The following LYZL4 variants were observed in gnomAD, a reference collection of about 807,000 sequenced individuals.
The protein encoded by LYZL4 is lysozyme-like protein 4.
Under a neutral mutation model 17.6 loss-of-function variants are expected in LYZL4, and 13 were observed. That is an observed-to-expected ratio of 0.74 (90% CI 0.48 to 1.18). The LOEUF (loss-of-function observed/expected upper bound fraction) is 1.18, where lower values mean the gene tolerates loss of function less well. Among genes scored for constraint, LYZL4 ranks in the 50% most tolerant of loss-of-function variants. The pLI is 0.00. For missense variants in LYZL4, 174 were observed against 188.2 expected (o/e 0.92, Z 0.44); for synonymous variants, 64 against 67.7 (o/e 0.95, Z 0.27).
the LYZL4 span, among the ~76,000 whole-genome samples, chr3:42,387,129 A>T: frequency 5.9e-5 from 9 of 152,338 alleles, no homozygotes; most frequent in South Asian, 1.9e-3. Context: ...AATAATAATA[A>T]CAACATACTG....
the LYZL4 span, among the ~76,000 whole-genome samples, chr3:42,369,010 T>A: frequency 6.6e-6 from 1 of 152,216 alleles, no homozygotes; most frequent in Non-Finnish European, 1.5e-5. Context: ...CAAGCCTCCA[T>A]CCAATTTTAA....
At chr3:42,381,705 G>A in the LYZL4 span, among the ~76,000 whole-genome samples, 1 of 152,168 alleles carries the variant, frequency 6.6e-6, no homozygotes, top group African/African-American at 2.4e-5. Context: ...GCAATTTCCT[G>A]GCTTCTTTGC....
downstream of LYZL4, among the ~76,000 whole-genome samples, chr3:42,396,352 C>CTGA (rs1698549376): frequency 6.6e-6 from 1 of 152,238 alleles, no homozygotes; most frequent in African/African-American, 2.4e-5. Flanking sequence ...GCTGCTGCTG[C>CTGA]TACCAGATCT....
chr3:42,382,500 G>A, the LYZL4 span, among the ~76,000 whole-genome samples: 3 of 151,902 alleles, frequency 2.0e-5, no homozygotes, highest in Non-Finnish European at 4.4e-5. Context: ...ACTAGCTAGC[G>A]TGTATTGACT....
chr3:42,390,465 A>T, the LYZL4 span, among the ~76,000 whole-genome samples: 1 of 152,040 alleles, frequency 6.6e-6, no homozygotes, highest in Admixed American at 6.5e-5. Flanking sequence ...CTAATATAAC[A>T]TCAATCCCCA....
chr3:42,404,433 T>C (rs1306335822), intron 3 of LYZL4, among the ~76,000 whole-genome samples: 1 of 152,250 alleles, frequency 6.6e-6, no homozygotes, highest in Non-Finnish European at 1.5e-5. Flanking sequence ...TTAACCTATC[T>C]GGATCCTTGT....
At chr3:42,376,346 G>A in the LYZL4 span, among the ~76,000 whole-genome samples, 4 of 152,108 alleles carry the variant, frequency 2.6e-5, no homozygotes, top group African/African-American at 9.7e-5. Context: ...GAAGCCTGGG[G>A]CCATTAAAAC....
chr3:42,394,644 C>T (rs992414908), downstream of LYZL4, among the ~76,000 whole-genome samples: 2 of 152,084 alleles, frequency 1.3e-5, no homozygotes, highest in African/African-American at 4.8e-5. Flanking sequence ...TTCTGTAAAC[C>T]AGACAAGGAG....
intron 1 of LYZL4, 25 bp from the exon 2 acceptor site, chr3:42,407,368 G>T (rs2125603568): frequency 7.3e-7 from 1 of 1,365,280 alleles, no homozygotes; most frequent in Non-Finnish European, 1.0e-6. Context: ...GTGGAGCACA[G>T]TTCAGTGTCA....
chr3:42,409,580 T>C (rs889135518), intron 1 of LYZL4, among the ~76,000 whole-genome samples: 1 of 152,272 alleles, frequency 6.6e-6, no homozygotes, highest in Admixed American at 6.5e-5. Context: ...GGGTGTGCCA[T>C]CTACAGTTCT....
rs1455428359 is a variant in LYZL4, at chr3:42,406,889, C to A, written c.249G>T (p.Trp83Cys). ...FGLFQMRGSD[W>C]CGDHGRNRCH... ...AGCGGTTCCTGCCATGGTCGCCACA[C>A]CAGTCACTGCCACGCATCTGAAAGA... Residue 83 changes from tryptophan to cysteine, a missense_variant, in exon 3 of 5, where the codon TGG becomes TGT. Coordinates refer to ENST00000287748, the MANE Select transcript of LYZL4 (RefSeq NM_144634.4). The A allele has an allele frequency of 6.2e-7, 1 of 1,614,136 alleles. No individual in the cohort carries two copies. The highest frequency in any genetic ancestry group is 8.5e-7 in the Non-Finnish European group (1 of 1,180,058).
At chr3:42,397,929 C>T (rs1292104265) in intron 4 of LYZL4, among the ~76,000 whole-genome samples, 1 of 152,212 alleles carries the variant, frequency 6.6e-6, no homozygotes, top group Non-Finnish European at 1.5e-5. Context: ...AGCACCCAGA[C>T]TTCAGGTTCT....
At chr3:42,386,818 T>G in the LYZL4 span, among the ~76,000 whole-genome samples, 1 of 152,214 alleles carries the variant, frequency 6.6e-6, no homozygotes, top group African/African-American at 2.4e-5. Context: ...TAAAATGCTA[T>G]GATGTCTTGG....
At chr3:42,384,171 G>A in the LYZL4 span, among the ~76,000 whole-genome samples, 1 of 152,134 alleles carries the variant, frequency 6.6e-6, no homozygotes, top group African/African-American at 2.4e-5. Flanking sequence ...CAATATTCTA[G>A]AGGAAAATTA....
At chr3:42,367,272 C>T in the LYZL4 span, among the ~76,000 whole-genome samples, 2 of 152,108 alleles carry the variant, frequency 1.3e-5, no homozygotes, top group Admixed American at 6.5e-5. Flanking sequence ...CAACCTTGTC[C>T]CCAAGGACTA....
At chr3:42,409,837 C>T (rs919117782) in intron 1 of LYZL4, among the ~76,000 whole-genome samples, 1 of 152,238 alleles carries the variant, frequency 6.6e-6, no homozygotes, top group East Asian at 1.9e-4. Context: ...GCTGACAAGA[C>T]TTTCTGATGC....
chr3:42,384,854 A>T, the LYZL4 span, among the ~76,000 whole-genome samples: 4 of 152,090 alleles, frequency 2.6e-5, no homozygotes, highest in African/African-American at 9.7e-5. Flanking sequence ...TGTAAGGCAA[A>T]CCCTGATTTC....
the LYZL4 span, among the ~76,000 whole-genome samples, chr3:42,363,173 C>T: frequency 4.1e-3 from 624 of 152,112 alleles, 1 homozygote; most frequent in African/African-American, 0.014. Flanking sequence ...GATTATTCTA[C>T]GATAAAATAA....
chr3:42,398,027 C>T (rs1016615994), intron 4 of LYZL4, among the ~76,000 whole-genome samples: 3 of 152,160 alleles, frequency 2.0e-5, no homozygotes, highest in African/African-American at 7.2e-5. Context: ...CTCAGCGGGC[C>T]GGTTTCCACG....
Sources: allele counts gnomAD v4.1 joint callset (sites outside exome capture counted in the v4.1 genomes callset), GRCh38; gene constraint gnomAD v4.1.1; transcripts MANE v1.5; gene names NCBI Gene and HGNC (gene_info 2026-07-23, HGNC 2026-07-21).